The following CCDC7 variants were observed in gnomAD, a reference collection of about 807,000 sequenced individuals.
CCDC7 encodes the protein coiled-coil domain-containing protein 7.
In CCDC7, 183 loss-of-function variants were observed where a neutral mutation model predicts 196.9. That is an observed-to-expected ratio of 0.93 (90% CI 0.82 to 1.05). CCDC7 has a LOEUF of 1.05. Among genes scored for constraint, CCDC7 ranks in the 50% least tolerant of loss-of-function variants. The pLI is 0.00. For synonymous variants in CCDC7, 525 were observed against 484.6 expected, an observed-to-expected ratio of 1.08 and a Z score of -1.10; for missense variants, 1,540 against 1,482.2, an observed-to-expected ratio of 1.04 and a Z score of -0.64.
chr10:32,452,460 TC>T (rs1224728027), intron 1 of CCDC7, among the ~76,000 whole-genome samples: 1 of 152,228 alleles, frequency 6.6e-6, no homozygotes, highest in Non-Finnish European at 1.5e-5. Context: ...AAACTTTAGC[TC>T]TTTTTTCGTT....
intron 31 of CCDC7, among the ~76,000 whole-genome samples, chr10:32,818,804 C>T (rs2089459134): frequency 6.6e-6 from 1 of 152,146 alleles, no homozygotes. Flanking sequence ...CTCTGGGACA[C>T]ATTCAAAGCA....
chr10:32,543,451 CAATTT>C (rs954230318), intron 12 of CCDC7, 66 bp downstream of exon 13: 3 of 1,182,582 alleles, frequency 2.5e-6, no homozygotes, highest in African/African-American at 1.6e-5. Context: ...TTTATACAAA[CAATTT>C]AAAGTCAAAT....
At chr10:32,616,491 T>C (rs2062783954) in intron 18 of CCDC7, among the ~76,000 whole-genome samples, 1 of 152,044 alleles carries the variant, frequency 6.6e-6, no homozygotes, top group Admixed American at 6.6e-5. Flanking sequence ...ATGCTTCTGA[T>C]TTCTGTATAT....
chr10:32,503,200 G>C (rs1364348503), intron 9 of CCDC7, among the ~76,000 whole-genome samples: 2 of 152,158 alleles, frequency 1.3e-5, no homozygotes, highest in African/African-American at 4.8e-5. Context: ...TAGAAGTGGT[G>C]AGAGTGGGTA....
At chr10:32,766,364 T>C (rs2133973957) in intron 28 of CCDC7, among the ~76,000 whole-genome samples, 2 of 152,070 alleles carry the variant, frequency 1.3e-5, no homozygotes, top group East Asian at 3.9e-4. Context: ...TGGAAATCTG[T>C]TAGTTTTGAG....
intron 2 of CCDC7, among the ~76,000 whole-genome samples, chr10:32,453,811 A>G (rs2133400279): frequency 6.6e-6 from 1 of 152,354 alleles, no homozygotes; most frequent in Admixed American, 6.5e-5. Context: ...AGTTTAACAT[A>G]TACTTAAAAG....
chr10:32,477,860 G>C (rs2039294840), intron 8 of CCDC7, among the ~76,000 whole-genome samples: 2 of 151,950 alleles, frequency 1.3e-5, no homozygotes. Context: ...ACAATTTGTT[G>C]GTATCCAAAA....
intron 24 of CCDC7, among the ~76,000 whole-genome samples, chr10:32,703,385 C>G (rs2079102934): frequency 6.6e-6 from 1 of 152,058 alleles, no homozygotes; most frequent in Non-Finnish European, 1.5e-5. Flanking sequence ...GAGAGATCCG[C>G]TATTAGTCTG....
intron 14 of CCDC7, among the ~76,000 whole-genome samples, chr10:32,566,868 G>GATATAT (rs369657625): frequency 7.0e-6 from 1 of 142,852 alleles, no homozygotes; most frequent in Admixed American, 7.1e-5. Context: ...AAACCCCGCA[G>GATATAT]ATATATATAT....
At chr10:32,661,620 C>G (rs1251906140) in intron 20 of CCDC7, among the ~76,000 whole-genome samples, 1 of 152,102 alleles carries the variant, frequency 6.6e-6, no homozygotes, top group Non-Finnish European at 1.5e-5. Context: ...CTGAATTCTT[C>G]TCTTGAAGGT....
intron 28 of CCDC7, among the ~76,000 whole-genome samples, chr10:32,744,114 G>A (rs886544179): frequency 4.0e-5 from 6 of 150,242 alleles, no homozygotes; most frequent in African/African-American, 1.2e-4. Context: ...TTGTGCACAT[G>A]TATCCTAGAA....
chr10:32,463,437 T>C (rs1054969979), intron 5 of CCDC7, among the ~76,000 whole-genome samples: 1 of 152,230 alleles, frequency 6.6e-6, no homozygotes, highest in African/African-American at 2.4e-5. Context: ...AATTATGTAT[T>C]GATTTTCTAT....
At chr10:32,846,537 T>G in intron 37 of CCDC7, 78 bp downstream of exon 38, 1 of 827,964 alleles carries the variant, frequency 1.2e-6, no homozygotes, top group Admixed American at 2.2e-5. Context: ...AGACATTTAA[T>G]GACAATAGTG....
intron 28 of CCDC7, among the ~76,000 whole-genome samples, chr10:32,744,930 T>C (rs1054508172): frequency 6.6e-6 from 1 of 152,236 alleles, no homozygotes; most frequent in African/African-American, 2.4e-5. Context: ...TATTATCTTC[T>C]AGAAGTTGTA....
intron 11 of CCDC7, among the ~76,000 whole-genome samples, chr10:32,534,469 G>A (rs1397152093): frequency 6.6e-6 from 1 of 151,972 alleles, no homozygotes; most frequent in East Asian, 1.9e-4. Flanking sequence ...TTTCTTGTGG[G>A]TATATGCCTG....
intron 11 of CCDC7, among the ~76,000 whole-genome samples, chr10:32,535,054 G>A (rs1015568236): frequency 2.0e-5 from 3 of 151,614 alleles, no homozygotes; most frequent in Admixed American, 1.3e-4. Context: ...AGAATGTGAG[G>A]AGGGGCATCA....
intron 24 of CCDC7, among the ~76,000 whole-genome samples, chr10:32,704,564 A>G (rs555417000): frequency 3.3e-4 from 50 of 152,212 alleles, no homozygotes; most frequent in Non-Finnish European, 6.0e-4. Context: ...AAGTCTGCAG[A>G]GGTTTCTACT....
At chr10:32,541,261 C>G (rs1209637803) in intron 11 of CCDC7, among the ~76,000 whole-genome samples, 1 of 151,342 alleles carries the variant, frequency 6.6e-6, no homozygotes, top group Non-Finnish European at 1.5e-5. Flanking sequence ...GATGCCTGCT[C>G]TATAGTCTAG....
intron 13 of CCDC7, among the ~76,000 whole-genome samples, chr10:32,559,162 A>G (rs2054911908): frequency 2.0e-5 from 3 of 151,992 alleles, no homozygotes; most frequent in African/African-American, 4.8e-5. Context: ...CAAAGCAGCC[A>G]GGAAGCTCGA....
Sources: allele counts gnomAD v4.1 joint callset (sites outside exome capture counted in the v4.1 genomes callset), GRCh38; gene constraint gnomAD v4.1.1; transcripts MANE v1.5; gene names NCBI Gene and HGNC (gene_info 2026-07-23, HGNC 2026-07-21).